Variants in TXLNG observed in about 807,000 individuals in gnomAD.
The protein encoded by TXLNG is taxilin gamma.
A neutral mutation model predicts 38.8 loss-of-function variants in TXLNG; 5 were observed. The observed-to-expected ratio is 0.13, with a 90% CI of 0.07 to 0.27. TXLNG has a LOEUF of 0.27. Ranked by LOEUF, TXLNG falls within the 10% of genes least tolerant of loss-of-function variation. The pLI, the probability that TXLNG is intolerant of heterozygous loss-of-function variation, is 1.00. For missense variants in TXLNG, 393 were observed against 398.2 expected (o/e 0.99, Z 0.11); for synonymous variants, 182 against 158.2 (o/e 1.15, Z -1.13).
intron 1 of TXLNG, among the ~76,000 whole-genome samples, chrX:16,804,551 G>GT (rs1270762787): frequency 9.3e-6 from 1 of 107,554 alleles, no homozygotes; most frequent in African/African-American, 3.4e-5. Flanking sequence ...CACCAAGGTT[G>GT]TTTTTTTACT....
At chrX:16,833,258 C>T (rs1307148303) in intron 6 of TXLNG, among the ~76,000 whole-genome samples, 1 of 112,525 alleles carries the variant, frequency 8.9e-6, no homozygotes, top group South Asian at 3.6e-4. Context: ...AAACAGAATT[C>T]TCTACCCTAA....
intron 1 of TXLNG, 98 bp from the exon 2 acceptor site, chrX:16,818,475 GA>G (rs1178797816): frequency 9.8e-7 from 1 of 1,024,604 alleles, no homozygotes; most frequent in African/African-American, 1.9e-5. Flanking sequence ...CACTAAGGAA[GA>G]AAAAACTATC....
chrX:16,797,366 C>T (rs1020745036), intron 1 of TXLNG, among the ~76,000 whole-genome samples: 1 of 111,512 alleles, frequency 9.0e-6, no homozygotes, highest in Non-Finnish European at 1.9e-5. Flanking sequence ...TGACTTGGAA[C>T]ATTTGTGATC....
At chrX:16,803,016 C>T (rs1928171490) in intron 1 of TXLNG, among the ~76,000 whole-genome samples, 1 of 110,020 alleles carries the variant, frequency 9.1e-6, no homozygotes, top group Admixed American at 9.8e-5. Flanking sequence ...GATGGGGTTT[C>T]ACCATCTTGG....
chrX:16,798,323 T>C (rs1223951553), intron 1 of TXLNG, among the ~76,000 whole-genome samples: 1 of 112,446 alleles, frequency 8.9e-6, no homozygotes, highest in African/African-American at 3.2e-5. Context: ...CAGATAATTT[T>C]CAAAAATTCT....
intron 1 of TXLNG, among the ~76,000 whole-genome samples, chrX:16,815,212 G>C (rs1928687186): frequency 8.9e-6 from 1 of 111,796 alleles, no homozygotes; most frequent in South Asian, 3.7e-4. Flanking sequence ...GTCTTGCTCT[G>C]TCGCCCAGGC....
intron 1 of TXLNG, among the ~76,000 whole-genome samples, chrX:16,808,547 T>A (rs1293335731): frequency 9.0e-6 from 1 of 111,491 alleles, no homozygotes; most frequent in East Asian, 2.8e-4. Flanking sequence ...ACTCACCCAG[T>A]TTGTCTCCAG....
At chrX:16,808,461 T>G (rs746349927) in intron 1 of TXLNG, among the ~76,000 whole-genome samples, 19 of 112,045 alleles carry the variant, frequency 1.7e-4, no homozygotes, top group African/African-American at 5.8e-4. Context: ...AAAAACATGT[T>G]AAAGCTCTTG....
intron 3 of TXLNG, among the ~76,000 whole-genome samples, chrX:16,825,147 C>G (rs1240826056): frequency 1.8e-5 from 2 of 111,922 alleles, no homozygotes; most frequent in African/African-American, 3.2e-5. Flanking sequence ...CATAAACATT[C>G]AAAGAGATGT....
intron 1 of TXLNG, among the ~76,000 whole-genome samples, chrX:16,793,650 TTTTTTTTTTC>T (rs1289170964): frequency 9.1e-6 from 1 of 110,481 alleles, no homozygotes; most frequent in Admixed American, 9.8e-5. Flanking sequence ...AAAATATCTT[TTTTTTTTTTC>T]TTTTTTTTTG....
At chrX:16,787,020 C>T (rs1356801962) in intron 1 of TXLNG, among the ~76,000 whole-genome samples, 1 of 112,876 alleles carries the variant, frequency 8.9e-6, no homozygotes, top group African/African-American at 3.2e-5. Context: ...GGCTCGCCCT[C>T]CTGGCGTCGG....
Position 16,833,743 on chromosome X carries a change from C to A in TXLNG, c.985-540C>A, listed in dbSNP as rs754408767. ...ATATTTTACTTCAGGGACTGAATTT[C>A]ACAACTGCCTACTATGCAACTTTGT... On this transcript the variant is annotated intron_variant, in intron 6 of 9. Coordinates refer to ENST00000380122, the MANE Select transcript of TXLNG (RefSeq NM_018360.3). Among the ~76,000 whole-genome samples the A allele has an allele frequency of 3.6e-5, 4 of 111,820 alleles. No individual in the cohort carries two copies. In the South Asian group the frequency reaches 1.5e-3, roughly 41 times the overall value.
Position 16,843,326 on chromosome X carries a change from AG to A in TXLNG, c.*1562del, listed in dbSNP as rs1309979421. On this transcript the variant is annotated 3_prime_UTR_variant, in exon 10 of 10. Coordinates refer to ENST00000380122, the MANE Select transcript of TXLNG (RefSeq NM_018360.3). Reference sequence around the variant, plus strand: ...AAAATTGTCCAACAGATAGATAGATAGGAAACCGCCTGGAGTGGAGGAGGGT... The same window carrying A: ...AAAATTGTCCAACAGATAGATAGATAGAAACCGCCTGGAGTGGAGGAGGGT... The A allele has an allele frequency of 3.4e-4, 38 of 112,352 alleles. No homozygotes were observed. The highest frequency in any genetic ancestry group is 1.2e-3 in the African/African-American group (36 of 30,935). 9.3% of individuals were successfully genotyped at this position (112,352 alleles called of 1,213,427 possible). A position where few individuals can be genotyped will look rare whatever the true frequency, so the allele number is the denominator to read the frequency against.
Position 16,839,842 on chromosome X carries a change from C to G in TXLNG, c.1174C>G (p.Leu392Val), listed in dbSNP as rs755710463. The G allele has an allele frequency of 1.3e-5, 16 of 1,195,132 alleles. No individual in the cohort carries two copies. The highest frequency in any genetic ancestry group is 1.8e-5 in the Non-Finnish European group (16 of 887,052). The change falls in exon 9 of 10, where the codon CTG (leucine) becomes GTG (valine). Residue 392 changes from leucine to valine, a missense_variant. Leu to Val is a conservative substitution (Grantham distance 32). Transcript: ENST00000380122. The stretch of plus-strand genomic sequence containing the variant: ...ACAGATGACAAAGAAAATTAAAAAA[C>G]TGGAAAAAGAAACAATAATTTGGCG... ...MEKMTKKIKK[L>V]EKETIIWRTK...
At chrX:16,796,957 C>T (rs1927910318) in intron 1 of TXLNG, among the ~76,000 whole-genome samples, 1 of 111,088 alleles carries the variant, frequency 9.0e-6, no homozygotes, top group Non-Finnish European at 1.9e-5. Context: ...ATTAGAAATT[C>T]AATAAAAATT....
At chrX:16,821,272 T>C (rs1019706095) in intron 3 of TXLNG, among the ~76,000 whole-genome samples, 7 of 106,609 alleles carry the variant, frequency 6.6e-5, no homozygotes, top group East Asian at 3.1e-4. Context: ...TCCTGAGTAG[T>C]TGGGACTACA....
rs760290034 is a variant in TXLNG, at chrX:16,814,792, G to A, written c.103-3782G>A. Among the ~76,000 whole-genome samples the A allele has an allele frequency of 1.3e-3, 150 of 111,877 alleles. 1 individual carries two copies. The highest frequency in any genetic ancestry group is 4.6e-3 in the African/African-American group (141 of 30,823). ...GAACTGGGTTTCATTTTCAGGTTAT[G>A]AAAGTGTTGCAAAGTTGACTGTGGT... On this transcript the variant is annotated intron_variant, in intron 1 of 9. Transcript: ENST00000380122.
Position 16,841,487 on chromosome X carries a change from G to C in TXLNG, c.1308G>C (p.Lys436Asn), listed in dbSNP as rs747073492. The change falls in exon 10 of 10, where the codon AAG becomes AAC. Residue 436 changes from lysine (K) to asparagine (N), a missense_variant. By Grantham distance (94) the Lys-to-Asn change is moderately conservative (BLOSUM62 0). Transcript: ENST00000380122. ...AAATAAAACTGGAACGGTTAGAGAA[G>C]CTGTGCAGGGCTCTTCAGACAGAAA... is the stretch of plus-strand genomic sequence containing the variant. ...ALQIKLERLE[K>N]LCRALQTERN... 1 of 1,211,736 alleles carries C rather than the reference G, an allele frequency of 8.3e-7. No individual in the cohort carries two copies. The highest frequency in any genetic ancestry group is 1.1e-6 in the Non-Finnish European group (1 of 895,487).
intron 3 of TXLNG, among the ~76,000 whole-genome samples, chrX:16,822,442 T>A (rs1221821251): frequency 1.8e-5 from 2 of 111,651 alleles, no homozygotes; most frequent in Non-Finnish European, 3.8e-5. Flanking sequence ...TCACTATTTG[T>A]AGCAACAGGA....
Sources: gnomAD v4.1 joint callset for allele counts (sites outside exome capture counted in the v4.1 genomes callset) on GRCh38, gnomAD v4.1.1 for gene constraint, MANE v1.5 for transcripts, NCBI Gene and HGNC (gene_info 2026-07-23, HGNC 2026-07-21) for gene names.